The following AGAP1 variants were observed in gnomAD, a reference collection of about 807,000 sequenced individuals.
The protein encoded by AGAP1 is arf-GAP with GTPase, ANK repeat and PH domain-containing protein 1.
Under a neutral mutation model 105.3 loss-of-function variants are expected in AGAP1, and 29 were observed. The observed-to-expected ratio is 0.28, with a 90% CI of 0.21 to 0.38. AGAP1 has a LOEUF of 0.38. Among genes scored for constraint, AGAP1 ranks in the 10% least tolerant of loss-of-function variants. The pLI is 1.00. For missense variants in AGAP1, 998 were observed against 1,165.1 expected, an observed-to-expected ratio of 0.86 and a Z score of 2.09; for synonymous variants, 509 against 485.9, an observed-to-expected ratio of 1.05 and a Z score of -0.63.
chr2:235,620,070 G>A lies in AGAP1; in HGVS notation c.164-89109G>A, dbSNP rs573731687. ...CTGGGCCTCTGCAGCACCTGCCCTC[G>A]GCCCCCAGGGACCTTCTTTGTCACA... On this transcript the variant is annotated intron_variant, in intron 1 of 17. Coordinates refer to ENST00000304032, the MANE Select transcript of AGAP1 (RefSeq NM_001037131.3). The surrounding 1 kb of genome is among the most constrained non-coding windows in gnomAD (Gnocchi z 4.5). Among the ~76,000 whole-genome samples, 4 of 152,216 alleles carry A rather than the reference G, an allele frequency of 2.6e-5. No homozygotes were observed. Among genetic ancestry groups the A allele is most frequent in the South Asian group, 2.1e-4 (1 of 4,816 alleles).
intron 6 of AGAP1, among the ~76,000 whole-genome samples, chr2:235,774,965 G>A (rs1332693185): frequency 6.6e-5 from 10 of 152,196 alleles, no homozygotes; most frequent in Non-Finnish European, 1.5e-4. Context: ...GAAAGCTGGA[G>A]CTCCCTTCTG....
rs373605673 is a variant in AGAP1 at position 235,741,116 on chromosome 2, T to A, written c.396+68T>A. 6.5e-5 allele frequency: 87 copies of A among 1,341,058 alleles called. No homozygotes were observed. The East Asian group carries it at 1.9e-3, about 29-fold the overall frequency. The allele number at this position is 1,341,058 out of a possible 1,614,324, so 83.1% of individuals were successfully genotyped here. ...GTTTTCTAAGGTTTGATTCAAGAAGTGCTTCTAGAAATCGGTGACTTGGTT... is the reference window on the plus strand; with the variant it reads ...GTTTTCTAAGGTTTGATTCAAGAAGAGCTTCTAGAAATCGGTGACTTGGTT... On this transcript the variant is annotated intron_variant, in intron 4 of 17. Transcript: ENST00000304032. The surrounding 1 kb of genome is among the most constrained non-coding windows in gnomAD (Gnocchi z 4.9).
rs878869964 is a variant in AGAP1 at position 235,610,950 on chromosome 2, G to C, written c.164-98229G>C. Among the ~76,000 whole-genome samples, 2 of 152,086 alleles carry C rather than the reference G, an allele frequency of 1.3e-5. No individual in the cohort carries two copies. Among genetic ancestry groups the C allele is most frequent in the Admixed American group, 1.3e-4 (2 of 15,266 alleles). ...AGCCCCTCTGAAGAGCGGCCCAGTA[G>C]GATGGTTGACTGACGTTAGCTTGGC... On this transcript the variant is annotated intron_variant, in intron 1 of 17. Coordinates refer to ENST00000304032, the MANE Select transcript of AGAP1 (RefSeq NM_001037131.3). This position sits in a 1 kb window ranked among gnomAD's most constrained non-coding sequence, Gnocchi z 4.9.
At chr2:235,545,046 G>T (rs912905524) in intron 1 of AGAP1, among the ~76,000 whole-genome samples, 15 of 152,210 alleles carry the variant, frequency 9.9e-5, no homozygotes, top group African/African-American at 2.6e-4. Flanking sequence ...TGAACCTTCC[G>T]TCCCAACCTT....
rs2055394169 is a variant in AGAP1 at position 235,988,013 on chromosome 2, C to T, written c.1645+19390C>T. Among the ~76,000 whole-genome samples the T allele has an allele frequency of 6.6e-6, 1 of 152,092 alleles. No homozygotes were observed. Among genetic ancestry groups the T allele is most frequent in the African/African-American group, 2.4e-5 (1 of 41,420 alleles). On this transcript the variant is annotated intron_variant, in intron 13 of 17. Coordinates refer to ENST00000304032, the MANE Select transcript of AGAP1 (RefSeq NM_001037131.3). This position sits in a 1 kb window ranked among gnomAD's most constrained non-coding sequence, Gnocchi z 4.7. ...GTATGCAGAATGTTGGTAGTTAAAA[C>T]TCCTTTTGTTATTTTGTGTTTGTTC...
At chr2:235,704,781 A>G (rs1435809101) in intron 1 of AGAP1, among the ~76,000 whole-genome samples, 2 of 151,992 alleles carry the variant, frequency 1.3e-5, no homozygotes, top group African/African-American at 4.8e-5. Context: ...TGAGGGAGGG[A>G]TTTAGAATCT....
intron 1 of AGAP1, among the ~76,000 whole-genome samples, chr2:235,581,134 CAAA>C (rs60330965): frequency 4.5e-5 from 4 of 88,242 alleles, no homozygotes; most frequent in African/African-American, 1.2e-4. Flanking sequence ...CCATCTCAAG[CAAA>C]AAAAAAAAAA....
chr2:236,081,870 G>A (rs2125836994), intron 16 of AGAP1, among the ~76,000 whole-genome samples: 1 of 152,184 alleles, frequency 6.6e-6, no homozygotes, highest in South Asian at 2.1e-4. Flanking sequence ...GATGAAAGCG[G>A]TCCCCTCCTA....
At chr2:235,595,700 TA>T (rs998656310) in intron 1 of AGAP1, among the ~76,000 whole-genome samples, 13 of 152,216 alleles carry the variant, frequency 8.5e-5, no homozygotes, top group African/African-American at 3.1e-4. Context: ...TGCTCACTAA[TA>T]AATCCCCTGC....
At position 235,930,787 on chromosome 2, in the gene AGAP1, G is replaced by T. The variant is rs370637766; in HGVS notation, c.1347G>T (p.Gly449=). Residue 449 remains glycine (G), a synonymous_variant, in exon 12 of 18, where the codon GGG becomes GGT. Coordinates refer to ENST00000304032, the MANE Select transcript of AGAP1 (RefSeq NM_001037131.3). The surrounding 1 kb of genome is among the most constrained non-coding windows in gnomAD (Gnocchi z 7.9). ...TAGGGAATGTCACTAGTGCATCTGG[G>T]TCTCAGATGGCAAGCGGCATCAGCC... ...PNSGNVTSAS[G]SQMASGISLV... The T allele has an allele frequency of 1.2e-6, 2 of 1,613,974 alleles. No homozygotes were observed. Among genetic ancestry groups the T allele is most frequent in the East Asian group, 4.5e-5 (2 of 44,848 alleles).
chr2:236,085,829 G>A (rs1412314750), intron 16 of AGAP1, among the ~76,000 whole-genome samples: 1 of 152,236 alleles, frequency 6.6e-6, no homozygotes, highest in East Asian at 1.9e-4. Context: ...CTTCCTTTGT[G>A]AAGGCAAGCC....
At chr2:235,825,701 C>T (rs1959025903) in intron 9 of AGAP1, among the ~76,000 whole-genome samples, 1 of 152,112 alleles carries the variant, frequency 6.6e-6, no homozygotes, top group Non-Finnish European at 1.5e-5. Flanking sequence ...AATATGTTTG[C>T]ATGTTGGTCA....
rs903197778 is a variant in AGAP1, at chr2:235,639,183, T to TGA, written c.164-69990_164-69989dup. 1.3e-5 allele frequency among the ~76,000 whole-genome samples: 2 copies of TGA among 151,986 alleles called. No homozygotes were observed. The highest frequency in any genetic ancestry group is 1.5e-5 in the Non-Finnish European group (1 of 67,978). On this transcript the variant is annotated intron_variant, in intron 1 of 17. Transcript: ENST00000304032. This position sits in a 1 kb window ranked among gnomAD's most constrained non-coding sequence, Gnocchi z 5.3. ...GGACGGATGATAGTGGCCCACAGGTTGAGAGAGGGGATGGGTTCAGCTTTG... is the reference window on the plus strand; with the variant it reads ...GGACGGATGATAGTGGCCCACAGGTTGAGAGAGAGGGGATGGGTTCAGCTTTG...
At chr2:235,597,813 C>T (rs112517067) in intron 1 of AGAP1, among the ~76,000 whole-genome samples, 16 of 73,874 alleles carry the variant, frequency 2.2e-4, no homozygotes, top group South Asian at 1.5e-3. Context: ...CGTGCACGCG[C>T]TCCCGTGTTT....
At chr2:235,515,679 A>G (rs996038342) in intron 1 of AGAP1, among the ~76,000 whole-genome samples, 17 of 152,216 alleles carry the variant, frequency 1.1e-4, no homozygotes, top group Non-Finnish European at 2.4e-4. Context: ...GAGAATGGAA[A>G]TGGAGAGATT....
rs1946262643 is a variant in AGAP1, at chr2:235,614,990, A to G, written c.164-94189A>G. ...ACTTCTGCCTGTGTGTGGTGCGCTCAAATAAAGGAGGCTGTTCAAGGTGAG... is the reference window on the plus strand; with the variant it reads ...ACTTCTGCCTGTGTGTGGTGCGCTCGAATAAAGGAGGCTGTTCAAGGTGAG... On this transcript the variant is annotated intron_variant, in intron 1 of 17. Transcript: ENST00000304032. The surrounding 1 kb of genome is among the most constrained non-coding windows in gnomAD (Gnocchi z 4.7). Among the ~76,000 whole-genome samples the G allele has an allele frequency of 6.6e-6, 1 of 152,224 alleles. No homozygotes were observed. Among genetic ancestry groups the G allele is most frequent in the Non-Finnish European group, 1.5e-5 (1 of 68,044 alleles).
At chr2:235,803,785 T>C (rs1219046159) in intron 8 of AGAP1, among the ~76,000 whole-genome samples, 1 of 152,228 alleles carries the variant, frequency 6.6e-6, no homozygotes, top group Non-Finnish European at 1.5e-5. Flanking sequence ...TCTGTATTAG[T>C]CCAAATTATA....
At chr2:235,647,848 T>A (rs1412258831) in intron 1 of AGAP1, among the ~76,000 whole-genome samples, 1 of 152,036 alleles carries the variant, frequency 6.6e-6, no homozygotes, top group Non-Finnish European at 1.5e-5. Context: ...AGCCTAGGGA[T>A]CCCCTCCAGG....
In AGAP1 at chr2:236,089,073, A is replaced by G. The variant is rs1325763290; in HGVS notation, c.2115-31119A>G. ...CCGTCCATCACGTGAAGGAGTAGAA[A>G]AAGTGGGATGCCACAGTTGCGGCAG... On this transcript the variant is annotated intron_variant, in intron 16 of 17. Coordinates refer to ENST00000304032, the MANE Select transcript of AGAP1 (RefSeq NM_001037131.3). This position sits in a 1 kb window ranked among gnomAD's most constrained non-coding sequence, Gnocchi z 5.6. Among the ~76,000 whole-genome samples, 4 of 152,220 alleles carry G rather than the reference A, an allele frequency of 2.6e-5. No individual in the cohort carries two copies. The East Asian group carries it at 7.7e-4, about 29-fold the overall frequency.
Sources: gnomAD v4.1 joint callset for allele counts (sites outside exome capture counted in the v4.1 genomes callset) on GRCh38, gnomAD v4.1.1 for gene constraint, Gnocchi (gnomAD v3.1) non-coding constraint, MANE v1.5 for transcripts, NCBI Gene and HGNC (gene_info 2026-07-23, HGNC 2026-07-21) for gene names.